Variants in PMF1 observed in about 807,000 individuals in gnomAD.
PMF1 encodes the protein polyamine modulated factor 1.
In PMF1, 21 loss-of-function variants were observed where a neutral mutation model predicts 26.7. The ratio of observed to expected loss-of-function variants is 0.79; its 90% confidence interval spans 0.56 to 1.13. PMF1 has a LOEUF of 1.13. PMF1 is among the 50% of genes most tolerant of loss of function. The pLI is 0.00. For missense variants in PMF1, 266 were observed against 254.9 expected (o/e 1.04, Z -0.30); for synonymous variants, 105 against 101.0 (o/e 1.04, Z -0.24).
At chr1:156,238,701 A>G (rs1331464722) in intron 4 of PMF1, among the ~76,000 whole-genome samples, 1 of 152,130 alleles carries the variant, frequency 6.6e-6, no homozygotes, top group Non-Finnish European at 1.5e-5. Context: ...TCTTCCCAAT[A>G]CCAGTTAGCT....
intron 1 of PMF1, among the ~76,000 whole-genome samples, chr1:156,217,581 C>A (rs1657839810): frequency 6.6e-6 from 1 of 152,020 alleles, no homozygotes; most frequent in African/African-American, 2.4e-5. Context: ...CAAAAATTAA[C>A]CGGGTGTCAT....
chr1:156,228,202 C>T (rs943820924), intron 1 of PMF1, among the ~76,000 whole-genome samples: 1 of 145,454 alleles, frequency 6.9e-6, no homozygotes, highest in Non-Finnish European at 1.5e-5. Flanking sequence ...GTGATCTGCC[C>T]GCCTCGGCCT....
chr1:156,225,650 GT>G (rs1658333882), intron 1 of PMF1: 2 of 1,559,822 alleles, frequency 1.3e-6, no homozygotes, highest in Non-Finnish European at 1.7e-6. Flanking sequence ...CGGCGTGCAG[GT>G]TACCACAGGG....
At chr1:156,227,132 G>A (rs74116805) in intron 1 of PMF1, among the ~76,000 whole-genome samples, 3,461 of 152,272 alleles carry the variant, frequency 0.023, 121 homozygotes, top group African/African-American at 0.078. Context: ...ATTGCAGACG[G>A]CATCCTTGTC....
chr1:156,224,967 T>C (rs1167864822), intron 1 of PMF1, among the ~76,000 whole-genome samples: 2 of 151,578 alleles, frequency 1.3e-5, no homozygotes, highest in Non-Finnish European at 1.5e-5. Context: ...TGGCGCCATC[T>C]TGGCTCACTG....
chr1:156,222,294 A>G (rs1049923841), intron 1 of PMF1, among the ~76,000 whole-genome samples: 2 of 152,182 alleles, frequency 1.3e-5, no homozygotes, highest in Admixed American at 1.3e-4. Flanking sequence ...CCTCAGTAGA[A>G]CATCCTTCTC....
At chr1:156,233,567 A>T (rs1658837365) in intron 2 of PMF1, 61 bp from the exon 3 acceptor site, 2 of 1,543,716 alleles carry the variant, frequency 1.3e-6, no homozygotes, top group African/African-American at 2.7e-5. Context: ...TCAGCAGTTT[A>T]GCATATTTTT....
chr1:156,219,922 G>T (rs1297672854), intron 1 of PMF1, among the ~76,000 whole-genome samples: 8 of 145,770 alleles, frequency 5.5e-5, no homozygotes, highest in African/African-American at 1.3e-4. Context: ...GCTAATTTTT[G>T]TATTTTTTGT....
intron 1 of PMF1, chr1:156,225,640 C>G: frequency 1.3e-6 from 2 of 1,561,548 alleles, no homozygotes. Flanking sequence ...TTCAGTTGGG[C>G]GGCGTGCAGG....
At chr1:156,227,387 C>T (rs1219297529) in intron 1 of PMF1, among the ~76,000 whole-genome samples, 2 of 151,688 alleles carry the variant, frequency 1.3e-5, no homozygotes, top group African/African-American at 2.4e-5. Context: ...ACCTGTAATC[C>T]CAGCTACCTG....
In PMF1 at chr1:156,236,817, C is replaced by T. The variant is rs1188923152; in HGVS notation, c.564+334C>T. Reference sequence around the variant, plus strand: ...GAGTTAAAACCTGGTGCTGGTTCTACTGCTCCATGTGACCACTGCCCAACA... The same window carrying T: ...GAGTTAAAACCTGGTGCTGGTTCTATTGCTCCATGTGACCACTGCCCAACA... On this transcript the variant is annotated intron_variant, in intron 4 of 4. Transcript: ENST00000368277. 1.5e-5 allele frequency: 5 copies of T among 343,026 alleles called. No homozygotes were observed. The Admixed American group carries it at 1.7e-4, about 11-fold the overall frequency. The allele number at this position is 343,026 out of a possible 1,614,324, so 21.2% of individuals were successfully genotyped here. A position where few individuals can be genotyped will look rare whatever the true frequency, so the allele number is the denominator to read the frequency against.
chr1:156,220,505 C>T (rs1211539792), intron 1 of PMF1, among the ~76,000 whole-genome samples: 1 of 151,980 alleles, frequency 6.6e-6, no homozygotes, highest in African/African-American at 2.4e-5. Context: ...TGAGCCACTG[C>T]ACCCAGCCTG....
In PMF1 at chr1:156,232,304, C is replaced by G. The variant is rs572100299; in HGVS notation, c.162-16C>G. 1.9e-6 allele frequency: 3 copies of G among 1,613,510 alleles called. No individual in the cohort carries two copies. The highest frequency in any genetic ancestry group is 2.2e-5 in the East Asian group (1 of 44,882). ...TGCTTGGCCCTCCCCACCTTTGCTT[C>G]TCTCCTTCCCGCCAGCTACCAGAGA... On this transcript the variant is annotated splice_polypyrimidine_tract_variant and intron_variant, in intron 1 of 4. Coordinates refer to ENST00000368277, the MANE Select transcript of PMF1 (RefSeq NM_007221.4).
chr1:156,234,336 T>C (rs1041766862), intron 3 of PMF1, among the ~76,000 whole-genome samples: 2 of 151,732 alleles, frequency 1.3e-5, no homozygotes, highest in Admixed American at 1.3e-4. Flanking sequence ...TTAGGGTCTG[T>C]TGGTCCTGTG....
intron 1 of PMF1, among the ~76,000 whole-genome samples, chr1:156,214,875 A>AT (rs1277094156): frequency 1.5e-4 from 22 of 149,456 alleles, no homozygotes; most frequent in African/African-American, 5.4e-4. Flanking sequence ...TATTATTATT[A>AT]TTATTATTAT....
chr1:156,222,614 T>C (rs1658145457), intron 1 of PMF1, among the ~76,000 whole-genome samples: 2 of 152,286 alleles, frequency 1.3e-5, no homozygotes, highest in Middle Eastern at 3.4e-3. Flanking sequence ...ACTCCTGACC[T>C]CAGGTGATCT....
intron 3 of PMF1, among the ~76,000 whole-genome samples, 169 bp from the exon 4 acceptor site, chr1:156,236,119 C>G (rs1658994945): frequency 6.6e-6 from 1 of 152,136 alleles, no homozygotes; most frequent in African/African-American, 2.4e-5. Context: ...GTGTGCATTC[C>G]TACGAGGAAC....
chr1:156,232,184 C>T, intron 1 of PMF1, 136 bp from the exon 2 acceptor site: 1 of 740,630 alleles, frequency 1.4e-6, no homozygotes. Context: ...GAGAGATTTG[C>T]ATCCACTGGC....
At chr1:156,217,287 C>G (rs948169519) in intron 1 of PMF1, among the ~76,000 whole-genome samples, 2 of 149,406 alleles carry the variant, frequency 1.3e-5, no homozygotes, top group African/African-American at 4.9e-5. Context: ...GAAGAGGGGT[C>G]AGGGTGAGGA....
Sources: gnomAD v4.1 joint callset for allele counts (sites outside exome capture counted in the v4.1 genomes callset) on GRCh38, gnomAD v4.1.1 for gene constraint, MANE v1.5 for transcripts, NCBI Gene and HGNC (gene_info 2026-07-23, HGNC 2026-07-21) for gene names.